The following DPP3 variants were observed in gnomAD, a reference collection of about 807,000 sequenced individuals.
DPP3 encodes the protein DPP III.
In DPP3, 64 loss-of-function variants were observed where a neutral mutation model predicts 89.8. That is an observed-to-expected ratio of 0.71 (90% CI 0.58 to 0.88). The LOEUF is 0.88. DPP3 is among the 40% of genes least tolerant of loss of function. DPP3 has a pLI of 0.00. For missense variants in DPP3, 835 were observed against 972.5 expected, an observed-to-expected ratio of 0.86 and a Z score of 1.88; for synonymous variants, 377 against 404.3, an observed-to-expected ratio of 0.93 and a Z score of 0.81.
chr11:66,500,331 G>T (rs1042473859), intron 16 of DPP3, among the ~76,000 whole-genome samples: 1 of 152,106 alleles, frequency 6.6e-6, no homozygotes, highest in Non-Finnish European at 1.5e-5. Context: ...TCCATCGCGG[G>T]CAATACAGCA....
intron 3 of DPP3, among the ~76,000 whole-genome samples, chr11:66,485,692 G>A (rs1855207251): frequency 6.6e-6 from 1 of 152,122 alleles, no homozygotes; most frequent in African/African-American, 2.4e-5. Context: ...CAAGTCACCT[G>A]GCAGTCATGC....
intron 17 of DPP3, among the ~76,000 whole-genome samples, chr11:66,505,206 A>G (rs1385002072): frequency 1.3e-5 from 2 of 152,100 alleles, no homozygotes; most frequent in African/African-American, 4.8e-5. Context: ...GGTGATCAAC[A>G]GCTGCATCAT....
intron 17 of DPP3, 67 bp from the exon 18 acceptor site, chr11:66,509,011 AT>A: frequency 6.4e-7 from 1 of 1,561,732 alleles, no homozygotes. Flanking sequence ...GATTATTAAG[AT>A]TTTTATGATG....
At chr11:66,493,255 G>A in intron 11 of DPP3, 76 bp downstream of exon 11, 2 of 1,299,318 alleles carry the variant, frequency 1.5e-6, no homozygotes, top group South Asian at 1.3e-5. Context: ...ACAGCCCAGA[G>A]CAGTAGAGAG....
chr11:66,506,931 C>T (rs1231471177), intron 17 of DPP3, among the ~76,000 whole-genome samples: 1 of 151,984 alleles, frequency 6.6e-6, no homozygotes, highest in Non-Finnish European at 1.5e-5. Context: ...CACGCTTGCC[C>T]ATTTTCTTGG....
intron 17 of DPP3, among the ~76,000 whole-genome samples, chr11:66,505,234 C>T (rs1363635525): frequency 1.3e-5 from 2 of 152,134 alleles, no homozygotes; most frequent in African/African-American, 2.4e-5. Flanking sequence ...CCTTCTCAAG[C>T]GACAATTCCA....
In DPP3 at chr11:66,495,668, T is replaced by A; in HGVS notation, c.1616T>A (p.Ile539Asn). The change falls in exon 15 of 18, where the codon ATC (isoleucine) becomes AAC (asparagine). Residue 539 changes from isoleucine (I) to asparagine (N), a missense_variant. Ile to Asn is a moderately radical substitution (Grantham distance 149, BLOSUM62 -3). Transcript: ENST00000531863. Reference sequence around the variant, plus strand: ...GAGGGGGCTGATGCGGAGGACGTGATCTACGTGAACTGGCTCAACATGGTT... The same window carrying A: ...GAGGGGGCTGATGCGGAGGACGTGAACTACGTGAACTGGCTCAACATGGTT... The part of the protein sequence containing the change: ...GFEGADAEDV[I>N]YVNWLNMVRA... 6.2e-7 allele frequency: 1 copy of A among 1,614,110 alleles called. No homozygotes were observed. The highest frequency in any genetic ancestry group is 8.5e-7 in the Non-Finnish European group (1 of 1,180,014).
chr11:66,488,796 C>G (rs991004413), intron 6 of DPP3, among the ~76,000 whole-genome samples: 16 of 152,206 alleles, frequency 1.1e-4, no homozygotes, highest in African/African-American at 3.9e-4. Flanking sequence ...CCCACTCAGA[C>G]TCTGTGCTCT....
At chr11:66,497,670 C>A (rs1421641674) in intron 16 of DPP3, among the ~76,000 whole-genome samples, 193 bp downstream of exon 16, 1 of 152,182 alleles carries the variant, frequency 6.6e-6, no homozygotes. Flanking sequence ...GAGGGCAGAT[C>A]ACTTGAGCTC....
Position 66,495,733 on chromosome 11 carries a change from G to A in DPP3, c.1681G>A (p.Ala561Thr). ...LLALEFYTPEAFNWRQAHMQA... is the reference protein window; with the variant it reads ...LLALEFYTPETFNWRQAHMQA... ...CGCTCTGGAGTTCTACACACCTGAG[G>A]CCTTCAACTGGCGACAGGTAGGGCC... Residue 561 changes from alanine (A) to threonine (T), a missense_variant, in exon 15 of 18, where the codon GCC (alanine) becomes ACC (threonine). Physicochemically the swap from Ala to Thr is moderately conservative, Grantham distance 58. Coordinates refer to ENST00000531863, the MANE Select transcript of DPP3 (RefSeq NM_130443.4). The A allele has an allele frequency of 1.2e-6, 2 of 1,610,634 alleles. No homozygotes were observed. Among genetic ancestry groups the A allele is most frequent in the Non-Finnish European group, 1.7e-6 (2 of 1,178,708 alleles).
intron 15 of DPP3, 22 bp downstream of exon 15, chr11:66,495,772 C>T (rs11227495): frequency 0.23 from 371,103 of 1,586,148 alleles, 45,198 homozygotes; most frequent in East Asian, 0.26. Context: ...GTGGAGCCCC[C>T]TGGAGGCGGA....
chr11:66,489,159 C>G (rs931852496), intron 6 of DPP3, among the ~76,000 whole-genome samples: 2 of 152,250 alleles, frequency 1.3e-5, no homozygotes, highest in African/African-American at 4.8e-5. Context: ...AGCCACCGCG[C>G]CTGGCCCCTG....
chr11:66,485,912 ATTTTCTTTTCTTTTCTTTTC>A (rs113853030), intron 3 of DPP3, among the ~76,000 whole-genome samples: 83 of 144,474 alleles, frequency 5.7e-4, no homozygotes, highest in African/African-American at 1.6e-3. Flanking sequence ...CACCAGCTAA[ATTTTCTTTTCTTTTCTTTTC>A]TTTTCTTTTC....
chr11:66,488,093 CT>C, intron 6 of DPP3, 86 bp downstream of exon 6: 1 of 1,160,614 alleles, frequency 8.6e-7, no homozygotes, highest in Non-Finnish European at 1.2e-6. Flanking sequence ...TCTGCCACTC[CT>C]TCAGAAAGAG....
chr11:66,501,825 C>CAAAAAAAAAAAAAAAAAAAAAA (rs35196491), intron 16 of DPP3, among the ~76,000 whole-genome samples: 1 of 84,440 alleles, frequency 1.2e-5, no homozygotes, highest in Non-Finnish European at 2.4e-5. Flanking sequence ...ACTTTGTCTC[C>CAAAAAAAAAAAAAAAAAAAAAA]AAAAAAAAAA....
At position 66,482,416 on chromosome 11, in the gene DPP3, C is replaced by T. The variant is rs748629398; in HGVS notation, c.216C>T (p.Pro72=). The T allele has an allele frequency of 3.0e-5, 49 of 1,609,436 alleles. No individual in the cohort carries two copies. Among genetic ancestry groups the T allele is most frequent in the Middle Eastern group, 1.6e-4 (1 of 6,084 alleles). The part of the protein sequence containing the change: ...LLSRLFRAQD[P]DQLRQHALAE... ...GCCGCCTCTTCCGCGCCCAGGACCCCGACCAGCTGCGCCAACATGCCCTGG... is the reference window on the plus strand; with the variant it reads ...GCCGCCTCTTCCGCGCCCAGGACCCTGACCAGCTGCGCCAACATGCCCTGG... Residue 72 remains proline (P), a synonymous_variant, in exon 2 of 18, where the codon CCC becomes CCT. Transcript: ENST00000531863.
intron 4 of DPP3, 25 bp downstream of exon 4, chr11:66,486,702 G>T (rs202159027): frequency 6.8e-7 from 1 of 1,479,736 alleles, no homozygotes; most frequent in Admixed American, 2.4e-5. Flanking sequence ...TCCCCCGAGG[G>T]GACAGGGAGT....
intron 16 of DPP3, among the ~76,000 whole-genome samples, chr11:66,500,581 G>C (rs1486126560): frequency 1.3e-5 from 2 of 152,186 alleles, no homozygotes; most frequent in Non-Finnish European, 2.9e-5. Context: ...CCACTTAGTA[G>C]ACTGAGCAAT....
intron 6 of DPP3, among the ~76,000 whole-genome samples, chr11:66,490,348 T>C (rs1855345391): frequency 6.6e-6 from 1 of 152,138 alleles, no homozygotes; most frequent in Non-Finnish European, 1.5e-5. Context: ...CACAAACTTA[T>C]TCTATTACAG....
Sources: gnomAD v4.1 joint callset for allele counts (sites outside exome capture counted in the v4.1 genomes callset) on GRCh38, gnomAD v4.1.1 for gene constraint, MANE v1.5 for transcripts, NCBI Gene and HGNC (gene_info 2026-07-23, HGNC 2026-07-21) for gene names.